Variants in PPP1R12B observed in about 807,000 individuals in gnomAD.
PPP1R12B encodes myosin phosphatase target subunit 2.
Under a neutral mutation model 126.1 loss-of-function variants are expected in PPP1R12B, and 76 were observed. The observed-to-expected ratio is 0.60, with a 90% CI of 0.50 to 0.73. The LOEUF (loss-of-function observed/expected upper bound fraction) is 0.73, where lower values mean the gene tolerates loss of function less well. Ranked by LOEUF, PPP1R12B falls within the 30% of genes least tolerant of loss-of-function variation. The probability of loss-of-function intolerance (pLI) is 0.00; values close to 1 mark genes in which losing one functional copy is unlikely to be tolerated. For missense variants in PPP1R12B, 1,052 were observed against 1,205.1 expected, an observed-to-expected ratio of 0.87 and a Z score of 1.88; for synonymous variants, 356 against 434.7, an observed-to-expected ratio of 0.82 and a Z score of 2.25.
At chr1:202,473,927 C>G (rs1179816184) in intron 13 of PPP1R12B, 2 of 532,878 alleles carry the variant, frequency 3.8e-6, no homozygotes, top group African/African-American at 3.8e-5. Context: ...GACCTTCGTT[C>G]TGCTATGCAG....
At chr1:202,446,884 A>G (rs1448583113) in intron 12 of PPP1R12B, among the ~76,000 whole-genome samples, 1 of 152,132 alleles carries the variant, frequency 6.6e-6, no homozygotes, top group East Asian at 1.9e-4. Context: ...CAGTTCTTGC[A>G]TCATGGCTGC....
At chr1:202,575,746 C>A (rs2149038865) in intron 23 of PPP1R12B, 1 of 152,316 alleles carries the variant, frequency 6.6e-6, no homozygotes, top group Admixed American at 6.5e-5. Context: ...AATCAGTGGT[C>A]TGGGTTGAGA....
chr1:202,408,377 A>G (rs1028635743), intron 1 of PPP1R12B, among the ~76,000 whole-genome samples: 5 of 152,198 alleles, frequency 3.3e-5, no homozygotes, highest in Non-Finnish European at 5.9e-5. Flanking sequence ...AAAACTTTCT[A>G]TTTAATGTAG....
At chr1:202,368,294 C>G (rs1449629838) in intron 1 of PPP1R12B, among the ~76,000 whole-genome samples, 1 of 151,920 alleles carries the variant, frequency 6.6e-6, no homozygotes, top group African/African-American at 2.4e-5. Context: ...TTAAAAGTGT[C>G]TGGCACTGCC....
intron 23 of PPP1R12B, among the ~76,000 whole-genome samples, chr1:202,572,645 C>A (rs952313722): frequency 1.1e-4 from 16 of 152,230 alleles, no homozygotes; most frequent in African/African-American, 3.9e-4. Flanking sequence ...GCGCCCACAT[C>A]AGATGTGATT....
At chr1:202,462,374 T>C (rs924923301) in intron 13 of PPP1R12B, among the ~76,000 whole-genome samples, 3 of 152,180 alleles carry the variant, frequency 2.0e-5, no homozygotes, top group African/African-American at 7.2e-5. Context: ...TTTCCAGAGA[T>C]AAGGGCATTT....
chr1:202,418,795 A>AT (rs905565937), intron 2 of PPP1R12B, among the ~76,000 whole-genome samples: 14 of 151,294 alleles, frequency 9.3e-5, no homozygotes, highest in South Asian at 2.1e-4. Context: ...AGTATGTAGC[A>AT]TTTTTTTTAA....
chr1:202,532,807 A>C (rs1340917431), intron 18 of PPP1R12B, among the ~76,000 whole-genome samples: 1 of 151,460 alleles, frequency 6.6e-6, no homozygotes, highest in Non-Finnish European at 1.5e-5. Flanking sequence ...ACTTACAGAA[A>C]TATTTCAAGA....
At chr1:202,480,020 C>T (rs1572210209) in intron 13 of PPP1R12B, among the ~76,000 whole-genome samples, 1 of 152,238 alleles carries the variant, frequency 6.6e-6, no homozygotes, top group East Asian at 1.9e-4. Flanking sequence ...AATTAGCATA[C>T]ATACCAAGAA....
chr1:202,499,002 CT>C (rs957069042), intron 18 of PPP1R12B, among the ~76,000 whole-genome samples: 2 of 151,804 alleles, frequency 1.3e-5, no homozygotes, highest in East Asian at 1.9e-4. Context: ...AATATCTTGG[CT>C]TTTTTTTAAC....
chr1:202,475,550 T>A (rs1251401892), intron 13 of PPP1R12B, among the ~76,000 whole-genome samples: 1 of 152,164 alleles, frequency 6.6e-6, no homozygotes, highest in Non-Finnish European at 1.5e-5. Context: ...GAGGAAACAG[T>A]GTTCATTGTG....
At chr1:202,440,886 T>C in intron 11 of PPP1R12B, 98 bp downstream of exon 11, 1 of 940,732 alleles carries the variant, frequency 1.1e-6, no homozygotes, top group Non-Finnish European at 1.7e-6. Context: ...TTCCCTCAGG[T>C]GTCCTTACCA....
chr1:202,557,506 A>G lies in PPP1R12B; in HGVS notation c.2491-1371A>G, dbSNP rs901076731. Among the ~76,000 whole-genome samples the G allele has an allele frequency of 4.6e-5, 7 of 152,180 alleles. No individual in the cohort carries two copies. The East Asian group carries it at 1.2e-3, about 25-fold the overall frequency. On this transcript the variant is annotated intron_variant, in intron 18 of 23. Coordinates refer to ENST00000608999, the MANE Select transcript of PPP1R12B (RefSeq NM_002481.4). Reference sequence around the variant, plus strand: ...TCCAACTTTCAGGATTCTCAACTCAATGTATGAGAATATACCATATACTTT... The same window carrying G: ...TCCAACTTTCAGGATTCTCAACTCAGTGTATGAGAATATACCATATACTTT...
intron 1 of PPP1R12B, among the ~76,000 whole-genome samples, chr1:202,408,662 G>A (rs1217267778): frequency 6.6e-6 from 1 of 151,782 alleles, no homozygotes; most frequent in Non-Finnish European, 1.5e-5. Context: ...GTGTTATCAG[G>A]ATCACACTCC....
At chr1:202,405,187 A>G (rs1425891555) in intron 1 of PPP1R12B, among the ~76,000 whole-genome samples, 1 of 152,146 alleles carries the variant, frequency 6.6e-6, no homozygotes, top group Admixed American at 6.6e-5. Flanking sequence ...ATTAGACTTG[A>G]TGGACCCTCA....
intron 1 of PPP1R12B, among the ~76,000 whole-genome samples, chr1:202,357,961 C>G (rs1194008818): frequency 6.6e-6 from 1 of 152,156 alleles, no homozygotes; most frequent in Non-Finnish European, 1.5e-5. Context: ...TCTGTTCTAG[C>G]ATTCTGGCTC....
At chr1:202,383,372 T>A (rs2148496794) in intron 1 of PPP1R12B, among the ~76,000 whole-genome samples, 1 of 152,346 alleles carries the variant, frequency 6.6e-6, no homozygotes, top group South Asian at 2.1e-4. Flanking sequence ...TGTCTTACAT[T>A]TTTATGATCT....
chr1:202,373,778 A>T (rs1209882469), intron 1 of PPP1R12B, among the ~76,000 whole-genome samples: 2 of 148,938 alleles, frequency 1.3e-5, no homozygotes, highest in Non-Finnish European at 3.0e-5. Context: ...ATGAAGGTTT[A>T]AAAAAATCCC....
intron 18 of PPP1R12B, among the ~76,000 whole-genome samples, chr1:202,531,459 T>G (rs573303980): frequency 6.6e-6 from 1 of 152,328 alleles, no homozygotes; most frequent in South Asian, 2.1e-4. Context: ...ACACGAATCA[T>G]GTCTTACAGT....
Sources: allele counts gnomAD v4.1 joint callset (sites outside exome capture counted in the v4.1 genomes callset), GRCh38; gene constraint gnomAD v4.1.1; transcripts MANE v1.5; gene names NCBI Gene and HGNC (gene_info 2026-07-23, HGNC 2026-07-21).